VPS8: variants seen among roughly 807,000 people sequenced by gnomAD.
The protein encoded by VPS8 is VPS8 subunit of CORVET complex.
VPS8 carries 129 observed loss-of-function variants against 216.4 expected under a neutral mutation model. The observed-to-expected ratio is 0.60, with a 90% CI of 0.52 to 0.69. The LOEUF (loss-of-function observed/expected upper bound fraction) is 0.69, where lower values mean the gene tolerates loss of function less well. Ranked by LOEUF, VPS8 falls within the 30% of genes least tolerant of loss-of-function variation. VPS8 has a pLI of 0.00. For missense variants in VPS8, 1,531 were observed against 1,683.5 expected (o/e 0.91, Z 1.59); for synonymous variants, 571 against 565.4 (o/e 1.01, Z -0.14).
chr3:184,964,627 AT>A (rs1320008483), intron 38 of VPS8, 70 bp downstream of exon 38: 2 of 1,045,206 alleles, frequency 1.9e-6, no homozygotes, highest in Non-Finnish European at 2.6e-6. Flanking sequence ...ATCCATCTTA[AT>A]TATGTTTCAA....
In VPS8 at chr3:185,017,814, G is replaced by A. The variant is rs577863355; in HGVS notation, c.4003-6522G>A. Among the ~76,000 whole-genome samples, 23 of 152,138 alleles carry A rather than the reference G, an allele frequency of 1.5e-4. No homozygotes were observed. In the South Asian group the frequency reaches 4.1e-3, roughly 27 times the overall value. On this transcript the variant is annotated intron_variant, in intron 45 of 47. Transcript: ENST00000625842. ...GAATGGCCTGAGCCGGAAAGGTCCC[G>A]GTTTGGAATGGGGCCCAGGACGGCC...
intron 35 of VPS8, among the ~76,000 whole-genome samples, chr3:184,937,724 G>T (rs1428074440): frequency 6.6e-6 from 1 of 152,120 alleles, no homozygotes; most frequent in South Asian, 2.1e-4. Flanking sequence ...AAGGTTCTGG[G>T]TATAAAAGCC....
chr3:184,945,574 C>T (rs896847250), intron 36 of VPS8, among the ~76,000 whole-genome samples: 1 of 152,118 alleles, frequency 6.6e-6, no homozygotes, highest in Non-Finnish European at 1.5e-5. Context: ...TAAACTCTAC[C>T]TCTTCTCTGT....
At chr3:184,999,892 T>C (rs1308845627) in intron 45 of VPS8, 31 bp downstream of exon 45, 5 of 1,579,118 alleles carry the variant, frequency 3.2e-6, no homozygotes, top group Non-Finnish European at 4.3e-6. Context: ...AAAATGGAAA[T>C]GGTCTTTTCT....
At chr3:184,828,717 G>A (rs1438823132) in intron 3 of VPS8, among the ~76,000 whole-genome samples, 1 of 152,138 alleles carries the variant, frequency 6.6e-6, no homozygotes, top group Non-Finnish European at 1.5e-5. Context: ...GTTGGATTGT[G>A]CAGCCAGAAA....
intron 21 of VPS8, 119 bp from the exon 22 acceptor site, chr3:184,885,991 G>A: frequency 9.0e-7 from 1 of 1,107,520 alleles, no homozygotes; most frequent in Non-Finnish European, 1.3e-6. Context: ...CTTACCAAAA[G>A]CATGATATGA....
At chr3:184,856,766 C>T (rs2108691060) in intron 14 of VPS8, among the ~76,000 whole-genome samples, 1 of 152,322 alleles carries the variant, frequency 6.6e-6, no homozygotes, top group South Asian at 2.1e-4. Flanking sequence ...ACTGTTGCCT[C>T]TGCCAGGAAA....
rs370264877 is a variant in VPS8 at position 184,943,153 on chromosome 3, A to G, written c.3035+2910A>G. On this transcript the variant is annotated intron_variant, in intron 36 of 47. Coordinates refer to ENST00000625842, the MANE Select transcript of VPS8 (RefSeq NM_001009921.3). ...GTTCTTTATAGATGTAAAAAATCCAAATTACCTTCCTCCATTTCCCCATCA... is the reference window on the plus strand; with the variant it reads ...GTTCTTTATAGATGTAAAAAATCCAGATTACCTTCCTCCATTTCCCCATCA... Among the ~76,000 whole-genome samples the G allele has an allele frequency of 3.8e-3, 576 of 152,258 alleles. 4 individuals are homozygous for G. The highest frequency in any genetic ancestry group is 0.013 in the African/African-American group (553 of 41,542).
intron 45 of VPS8, among the ~76,000 whole-genome samples, chr3:185,005,625 T>TTTA (rs143945623): frequency 4.7e-5 from 7 of 150,228 alleles, no homozygotes; most frequent in African/African-American, 7.4e-5. Flanking sequence ...ATTTTATTTA[T>TTTA]TTTATTTATT....
At chr3:184,975,624 T>C (rs1749132457) in intron 40 of VPS8, among the ~76,000 whole-genome samples, 1 of 152,320 alleles carries the variant, frequency 6.6e-6, no homozygotes, top group South Asian at 2.1e-4. Flanking sequence ...CATTGTCTTC[T>C]TCAAGTTCAT....
At chr3:184,977,933 G>T (rs1466243234) in intron 40 of VPS8, among the ~76,000 whole-genome samples, 1 of 143,644 alleles carries the variant, frequency 7.0e-6, no homozygotes, top group Non-Finnish European at 1.5e-5. Flanking sequence ...GTATCACAGT[G>T]ATGCTGGCCT....
chr3:184,834,871 G>A, intron 5 of VPS8, 129 bp downstream of exon 5: 1 of 673,196 alleles, frequency 1.5e-6, no homozygotes, highest in Non-Finnish European at 2.4e-6. Context: ...TGGCTTTCAT[G>A]GTTTTTGTGT....
In VPS8 at chr3:184,971,753, G is replaced by A; in HGVS notation, c.3420+1G>A. The A allele has an allele frequency of 6.2e-7, 1 of 1,611,376 alleles. No homozygotes were observed. The highest frequency in any genetic ancestry group is 8.5e-7 in the Non-Finnish European group (1 of 1,178,348). On this transcript the variant is annotated splice_donor_variant, in intron 40 of 47. Coordinates refer to ENST00000625842, the MANE Select transcript of VPS8 (RefSeq NM_001009921.3). LOFTEE classifies it high-confidence loss of function. ...TAATTTGAACCAGCAGCAACGTGAG[G>A]TAGGAGAATGACTGTTTAGGTATTT...
At chr3:185,017,920 T>TA (rs1027144183) in intron 45 of VPS8, among the ~76,000 whole-genome samples, 12 of 150,302 alleles carry the variant, frequency 8.0e-5, no homozygotes, top group Non-Finnish European at 1.5e-4. Flanking sequence ...TTTCCTTTTT[T>TA]ACATTTTGGA....
In VPS8 at chr3:184,866,061, A is replaced by G. The variant is rs186047661; in HGVS notation, c.1396-815A>G. On this transcript the variant is annotated intron_variant, in intron 16 of 47. Coordinates refer to ENST00000625842, the MANE Select transcript of VPS8 (RefSeq NM_001009921.3). ...TTCTACTCCTAGGTGTGTTTCCAAA[A>G]GAGTTGAAAACACACGCTTATATAA... Among the ~76,000 whole-genome samples the G allele has an allele frequency of 3.7e-3, 560 of 152,312 alleles. 6 individuals carry two copies. Among genetic ancestry groups the G allele is most frequent in the Non-Finnish European group, 3.5e-3 (241 of 68,014 alleles).
At chr3:184,865,299 C>G (rs563505508) in intron 16 of VPS8, among the ~76,000 whole-genome samples, 1 of 152,106 alleles carries the variant, frequency 6.6e-6, no homozygotes, top group African/African-American at 2.4e-5. Flanking sequence ...GCTCAGTGAA[C>G]CCAAGCACAA....
At chr3:184,874,138 G>A (rs1182465548) in intron 21 of VPS8, among the ~76,000 whole-genome samples, 1 of 151,590 alleles carries the variant, frequency 6.6e-6, no homozygotes, top group Non-Finnish European at 1.5e-5. Flanking sequence ...AATTGTGAAG[G>A]TTTTCCTTGA....
At chr3:184,932,969 A>T (rs1218442784) in intron 34 of VPS8, among the ~76,000 whole-genome samples, 1 of 152,206 alleles carries the variant, frequency 6.6e-6, no homozygotes, top group Non-Finnish European at 1.5e-5. Flanking sequence ...TAAGGCAGTG[A>T]TTCTCAGTTT....
chr3:184,865,609 G>A (rs934885857), intron 16 of VPS8, among the ~76,000 whole-genome samples: 1 of 152,160 alleles, frequency 6.6e-6, no homozygotes, highest in Non-Finnish European at 1.5e-5. Flanking sequence ...GCAAGGATGT[G>A]GCGATATTGG....
Sources: gnomAD v4.1 joint callset for allele counts (sites outside exome capture counted in the v4.1 genomes callset) on GRCh38, gnomAD v4.1.1 for gene constraint, MANE v1.5 for transcripts, NCBI Gene and HGNC (gene_info 2026-07-23, HGNC 2026-07-21) for gene names.